The following SIPA1L2 variants were observed in gnomAD, a reference collection of about 807,000 sequenced individuals.
SIPA1L2 encodes signal induced proliferation associated 1 like 2, also known as signal-induced proliferation-associated 1-like protein 2.
A neutral mutation model predicts 163.9 loss-of-function variants in SIPA1L2; 56 were observed. The ratio of observed to expected loss-of-function variants is 0.34; its 90% CI spans 0.28 to 0.43. The LOEUF (loss-of-function observed/expected upper bound fraction) is 0.43, where lower values mean the gene tolerates loss of function less well. SIPA1L2 is among the 20% of genes least tolerant of loss of function. The probability of loss-of-function intolerance (pLI) is 1.00; values close to 1 mark genes in which losing one functional copy is unlikely to be tolerated. For synonymous variants in SIPA1L2, 877 were observed against 865.7 expected, an observed-to-expected ratio of 1.01 and a Z score of -0.23; for missense variants, 1,974 against 2,193.5, an observed-to-expected ratio of 0.90 and a Z score of 2.00.
At chr1:232,489,156 A>G (rs890103699) in intron 5 of SIPA1L2, among the ~76,000 whole-genome samples, 1 of 152,204 alleles carries the variant, frequency 6.6e-6, no homozygotes, top group African/African-American at 2.4e-5. Flanking sequence ...GTACAGTGAT[A>G]TATTTTAAAG....
intron 18 of SIPA1L2, among the ~76,000 whole-genome samples, chr1:232,418,611 A>G (rs1393547077): frequency 2.6e-5 from 4 of 152,178 alleles, no homozygotes; most frequent in Non-Finnish European, 4.4e-5. Context: ...ATGTGGCACT[A>G]ATGGCTCTCG....
At chr1:232,623,810 C>G (rs1662938440) in intron 1 of SIPA1L2, among the ~76,000 whole-genome samples, 1 of 151,652 alleles carries the variant, frequency 6.6e-6, no homozygotes, top group South Asian at 2.1e-4. Flanking sequence ...AATATAAGGC[C>G]CATCAAGAGT....
intron 1 of SIPA1L2, among the ~76,000 whole-genome samples, chr1:232,584,122 A>T (rs1320581357): frequency 6.6e-6 from 1 of 151,860 alleles, no homozygotes; most frequent in Non-Finnish European, 1.5e-5. Flanking sequence ...CACCATACCC[A>T]GAAGGAAGGA....
intron 1 of SIPA1L2, among the ~76,000 whole-genome samples, chr1:232,627,841 C>A (rs1663164120): frequency 6.6e-6 from 1 of 152,200 alleles, no homozygotes; most frequent in Non-Finnish European, 1.5e-5. Context: ...TCATTTCACC[C>A]CATCTATAGG....
chr1:232,606,569 T>C (rs1252795401), intron 1 of SIPA1L2, among the ~76,000 whole-genome samples: 1 of 151,078 alleles, frequency 6.6e-6, no homozygotes, highest in Admixed American at 6.6e-5. Context: ...TAAAATAATG[T>C]AGGTATATAA....
At position 232,515,361 on chromosome 1, in the gene SIPA1L2, A is replaced by G. The variant is rs1258751304; in HGVS notation, c.-22T>C. 1.4e-5 allele frequency: 22 copies of G among 1,548,550 alleles called. No homozygotes were observed. Among genetic ancestry groups the G allele is most frequent in the Non-Finnish European group, 1.7e-5 (19 of 1,149,536 alleles). ...TCATGTCTACCGAGGAAGAGCCTCC[A>G]AGTCTCACCAGGAAGACTGATGTAA... On this transcript the variant is annotated 5_prime_UTR_variant, in exon 3 of 23. Coordinates refer to ENST00000674635, the MANE Select transcript of SIPA1L2 (RefSeq NM_020808.5).
At chr1:232,587,370 A>G (rs1375096571) in intron 1 of SIPA1L2, among the ~76,000 whole-genome samples, 1 of 152,192 alleles carries the variant, frequency 6.6e-6, no homozygotes, top group African/African-American at 2.4e-5. Context: ...TACTAAGTTC[A>G]TAACGAGTCA....
rs768233024 is a variant in SIPA1L2 at position 232,432,389 on chromosome 1, A to G, written c.4114T>C (p.Ser1372Pro). The G allele has an allele frequency of 1.4e-5, 22 of 1,614,092 alleles. No individual in the cohort carries two copies. Among genetic ancestry groups the G allele is most frequent in the Non-Finnish European group, 1.2e-5 (14 of 1,180,046 alleles). Residue 1372 changes from serine to proline, a missense_variant, in exon 16 of 23, where the codon TCT (serine) becomes CCT (proline). Ser to Pro is a moderately conservative substitution (Grantham distance 74, BLOSUM62 -1). Transcript: ENST00000674635. Reference protein sequence around the residue: ...SLDSSKVYIVSHSSGQQVPGS... With the variant: ...SLDSSKVYIVPHSSGQQVPGS... ...GGAACCTGTTGTCCGCTGCTGTGAG[A>G]CACGATGTAGACTTTGGATGAATCC...
intron 14 of SIPA1L2, among the ~76,000 whole-genome samples, chr1:232,440,016 A>G (rs1300415275): frequency 6.6e-6 from 1 of 152,182 alleles, no homozygotes; most frequent in Non-Finnish European, 1.5e-5. Flanking sequence ...CAAATGAGAT[A>G]ATATATGCAG....
chr1:232,503,867 T>C (rs1666596993), intron 3 of SIPA1L2, among the ~76,000 whole-genome samples: 1 of 152,140 alleles, frequency 6.6e-6, no homozygotes, highest in African/African-American at 2.4e-5. Context: ...TCTAGAGTTA[T>C]TTTTTAAAAA....
At chr1:232,484,292 C>T (rs747703772) in intron 5 of SIPA1L2, among the ~76,000 whole-genome samples, 9 of 152,130 alleles carry the variant, frequency 5.9e-5, no homozygotes, top group Admixed American at 6.5e-5. Context: ...TGTGGAAATA[C>T]TTCATCTTAC....
intron 1 of SIPA1L2, among the ~76,000 whole-genome samples, chr1:232,621,744 T>C (rs1456262398): frequency 6.6e-6 from 1 of 152,166 alleles, no homozygotes; most frequent in African/African-American, 2.4e-5. Flanking sequence ...ACATTTTTTT[T>C]TTTTTGTGAC....
intron 2 of SIPA1L2, among the ~76,000 whole-genome samples, chr1:232,568,833 C>T (rs1659554834): frequency 6.6e-6 from 1 of 152,192 alleles, no homozygotes; most frequent in Non-Finnish European, 1.5e-5. Context: ...TACAACATGC[C>T]AGGCGCCCTG....
chr1:232,592,676 A>T (rs1229910247), intron 1 of SIPA1L2, among the ~76,000 whole-genome samples: 1 of 152,040 alleles, frequency 6.6e-6, no homozygotes, highest in Non-Finnish European at 1.5e-5. Flanking sequence ...AGAACTAAAC[A>T]ACAACAACAA....
chr1:232,489,386 A>G (rs919062199), intron 5 of SIPA1L2, among the ~76,000 whole-genome samples: 1 of 152,176 alleles, frequency 6.6e-6, no homozygotes, highest in Admixed American at 6.5e-5. Context: ...TTGTTCATAT[A>G]TATGTTTCAT....
In SIPA1L2 at chr1:232,491,830, T is replaced by C. The variant is rs1480939497; in HGVS notation, c.1618-768A>G. 2.6e-5 allele frequency among the ~76,000 whole-genome samples: 4 copies of C among 152,198 alleles called. No individual in the cohort carries two copies. The East Asian group carries it at 5.8e-4, about 22-fold the overall frequency. ...ATAAGGATACCTAACGTTTGCATAA[T>C]GTTCCATAACACTGGACAACAGAAC... On this transcript the variant is annotated intron_variant, in intron 4 of 22. Transcript: ENST00000674635.
At chr1:232,487,083 A>T (rs925852625) in intron 5 of SIPA1L2, among the ~76,000 whole-genome samples, 4 of 152,258 alleles carry the variant, frequency 2.6e-5, no homozygotes, top group African/African-American at 7.2e-5. Context: ...CAAACTAAAA[A>T]TATCCACTTG....
intron 1 of SIPA1L2, among the ~76,000 whole-genome samples, chr1:232,611,165 A>G (rs189749579): frequency 1.6e-3 from 240 of 152,248 alleles, no homozygotes; most frequent in Non-Finnish European, 2.4e-3. Flanking sequence ...CCATGTAAGA[A>G]CTGCCTTTTG....
At chr1:232,628,485 A>G (rs1369512005) in intron 1 of SIPA1L2, among the ~76,000 whole-genome samples, 1 of 152,236 alleles carries the variant, frequency 6.6e-6, no homozygotes, top group Non-Finnish European at 1.5e-5. Flanking sequence ...TGACAAAACT[A>G]ACAGAACTCT....
Sources: allele counts gnomAD v4.1 joint callset (sites outside exome capture counted in the v4.1 genomes callset), GRCh38; gene constraint gnomAD v4.1.1; transcripts MANE v1.5; gene names NCBI Gene and HGNC (gene_info 2026-07-23, HGNC 2026-07-21).